The following PHF20L1 variants were observed in gnomAD, a reference collection of about 807,000 sequenced individuals.
PHF20L1 encodes PHD finger protein 20 like 1.
Under a neutral mutation model 125.5 loss-of-function variants are expected in PHF20L1, and 44 were observed. That is an observed-to-expected ratio of 0.35 (90% confidence interval 0.28 to 0.45). The LOEUF (loss-of-function observed/expected upper bound fraction) is 0.45, where lower values mean the gene tolerates loss of function less well. Ranked by LOEUF, PHF20L1 falls within the 20% of genes least tolerant of loss-of-function variation. The probability of loss-of-function intolerance (pLI) is 1.00; values close to 1 mark genes in which losing one functional copy is unlikely to be tolerated. For missense variants in PHF20L1, 1,012 were observed against 1,217.2 expected, an observed-to-expected ratio of 0.83 and a Z score of 2.51; for synonymous variants, 380 against 403.1, an observed-to-expected ratio of 0.94 and a Z score of 0.69.
At chr8:132,827,825 A>C (rs1004042385) in intron 14 of PHF20L1, among the ~76,000 whole-genome samples, 1 of 152,074 alleles carries the variant, frequency 6.6e-6, no homozygotes, top group Admixed American at 6.6e-5. Flanking sequence ...ACATTTTGAA[A>C]TCAGGCTTAC....
intron 6 of PHF20L1, among the ~76,000 whole-genome samples, chr8:132,803,003 A>G (rs1289988663): frequency 6.6e-6 from 1 of 151,858 alleles, no homozygotes; most frequent in Non-Finnish European, 1.5e-5. Flanking sequence ...TTAAAATGTT[A>G]GGAACACTTT....
intron 2 of PHF20L1, among the ~76,000 whole-genome samples, chr8:132,779,152 A>G (rs1586832635): frequency 6.6e-6 from 1 of 152,174 alleles, no homozygotes; most frequent in African/African-American, 2.4e-5. Flanking sequence ...TGAAGCTACA[A>G]TTTGAGATGG....
In PHF20L1 at chr8:132,825,349, GA is replaced by G; in HGVS notation, c.1727del (p.Lys576ArgfsTer26). On this transcript the variant is annotated frameshift_variant, in exon 14 of 21. Coordinates refer to ENST00000395386, the MANE Select transcript of PHF20L1 (RefSeq NM_016018.5). LOFTEE classifies it high-confidence loss of function. ...RPKQKKKKKK[K>X]KKSKQHDYSD... ...CAAAACAGAAGAAGAAGAAAAAAAA[GA>G]AAAAGAAATCTAAGCAACATGGTAA... The G allele has an allele frequency of 6.6e-7, 1 of 1,505,194 alleles. No homozygotes were observed. The highest frequency in any genetic ancestry group is 9.0e-7 in the Non-Finnish European group (1 of 1,110,900). The allele number at this position is 1,505,194 out of a possible 1,614,324, so 93.2% of individuals were successfully genotyped here.
At chr8:132,796,655 T>C (rs1832423653) in intron 4 of PHF20L1, among the ~76,000 whole-genome samples, 1 of 152,052 alleles carries the variant, frequency 6.6e-6, no homozygotes, top group South Asian at 2.1e-4. Context: ...GTGCAGGCTG[T>C]TTCTTCTTTT....
In PHF20L1 at chr8:132,817,485, A is replaced by T; in HGVS notation, c.1519A>T (p.Met507Leu). The change falls in exon 12 of 21, where the codon ATG (methionine) becomes TTG (leucine). Residue 507 changes from methionine (M) to leucine (L), a missense_variant. By Grantham distance (15) the Met-to-Leu change is conservative (BLOSUM62 2). This residue lies in a region of PHF20L1 where 320 missense variants were observed against 293.8 expected (regional missense o/e 1.09). Transcript: ENST00000395386. The stretch of plus-strand genomic sequence containing the variant: ...CAGGGCAGAAAAAGAGGATACACAG[A>T]TGCTTCCAAATCCTTCTTCCAAAGC... Reference protein sequence around the residue: ...CPRAEKEDTQMLPNPSSKAIA... With the variant: ...CPRAEKEDTQLLPNPSSKAIA... 6.2e-7 allele frequency: 1 copy of T among 1,612,398 alleles called. No individual in the cohort carries two copies. The highest frequency in any genetic ancestry group is 8.5e-7 in the Non-Finnish European group (1 of 1,179,096).
At chr8:132,832,716 C>A (rs117320043) in intron 15 of PHF20L1, among the ~76,000 whole-genome samples, 1 of 152,000 alleles carries the variant, frequency 6.6e-6, no homozygotes, top group East Asian at 1.9e-4. Flanking sequence ...ATAAACAAGC[C>A]GAAACTTACA....
At chr8:132,844,433 A>G (rs1300198264) in intron 20 of PHF20L1, 115 bp downstream of exon 20, 3 of 718,474 alleles carry the variant, frequency 4.2e-6, no homozygotes, top group Admixed American at 2.8e-5. Context: ...CTCCATACCG[A>G]TGGGGCTTTA....
chr8:132,795,511 G>A (rs908111033), intron 4 of PHF20L1, among the ~76,000 whole-genome samples: 1 of 152,024 alleles, frequency 6.6e-6, no homozygotes, highest in Admixed American at 6.6e-5. Flanking sequence ...AAAGTTGTGA[G>A]AATTAATAAT....
chr8:132,837,890 C>T, intron 17 of PHF20L1, 79 bp downstream of exon 17: 1 of 945,084 alleles, frequency 1.1e-6, no homozygotes, highest in Non-Finnish European at 1.7e-6. Context: ...CAGCTGTGTT[C>T]ACCACCACTA....
chr8:132,792,964 C>CTTTTTTTTT (rs370724463), intron 2 of PHF20L1, among the ~76,000 whole-genome samples: 17 of 129,584 alleles, frequency 1.3e-4, no homozygotes, highest in African/African-American at 1.7e-4. Context: ...CCCCTTTTTT[C>CTTTTTTTTT]TTTTTTTTTT....
chr8:132,804,775 A>G (rs760508282), intron 8 of PHF20L1, 35 bp downstream of exon 8: 4 of 1,549,682 alleles, frequency 2.6e-6, no homozygotes, highest in African/African-American at 1.4e-5. Context: ...GAGGGGGGGA[A>G]ATGGAAGGTT....
chr8:132,812,518 T>C (rs1834514845), intron 9 of PHF20L1: 1 of 984,552 alleles, frequency 1.0e-6, no homozygotes, highest in Non-Finnish European at 1.2e-6. Context: ...TAAAAACTTT[T>C]GAGAGTCCTT....
chr8:132,819,479 C>T (rs1215273309), intron 12 of PHF20L1, among the ~76,000 whole-genome samples: 2 of 151,154 alleles, frequency 1.3e-5, no homozygotes, highest in Non-Finnish European at 3.0e-5. Flanking sequence ...CAATTTAGGT[C>T]ATGTTCTGAC....
intron 2 of PHF20L1, among the ~76,000 whole-genome samples, chr8:132,785,777 T>C (rs1830950185): frequency 6.6e-6 from 1 of 152,142 alleles, no homozygotes; most frequent in Non-Finnish European, 1.5e-5. Flanking sequence ...TTACTTAATA[T>C]TCAGAGTGTC....
chr8:132,793,619 A>T (rs1832035059), intron 2 of PHF20L1, among the ~76,000 whole-genome samples: 1 of 152,212 alleles, frequency 6.6e-6, no homozygotes, highest in South Asian at 2.1e-4. Flanking sequence ...TTAATACAGT[A>T]CATTAAGAAT....
At chr8:132,844,004 G>T (rs1205404252) in intron 19 of PHF20L1, 152 bp from the exon 20 acceptor site, 4 of 1,411,432 alleles carry the variant, frequency 2.8e-6, no homozygotes, top group Non-Finnish European at 3.7e-6. Context: ...CTGGAATTTG[G>T]TTATGTAGCA....
In PHF20L1 at chr8:132,844,227, T is replaced by A; in HGVS notation, c.2820T>A (p.His940Gln). The A allele has an allele frequency of 6.2e-7, 1 of 1,612,992 alleles. No homozygotes were observed. The highest frequency in any genetic ancestry group is 8.5e-7 in the Non-Finnish European group (1 of 1,179,202). Residue 940 changes from histidine (H) to glutamine (Q), a missense_variant, in exon 20 of 21, where the codon CAT becomes CAA. Coordinates refer to ENST00000395386, the MANE Select transcript of PHF20L1 (RefSeq NM_016018.5). ...GCACCGAAGACCCAGGAGACTCACA[T>A]CTTCAGTGGCAGCTCAATCTCCTTA... Reference protein sequence around the residue: ...KKGTEDPGDSHLQWQLNLLTH... With the variant: ...KKGTEDPGDSQLQWQLNLLTH...
intron 15 of PHF20L1, among the ~76,000 whole-genome samples, chr8:132,834,401 G>A (rs1369088692): frequency 1.3e-5 from 2 of 151,964 alleles, no homozygotes; most frequent in African/African-American, 4.8e-5. Flanking sequence ...TGGTGTGATC[G>A]TAGTTCATTG....
At chr8:132,833,795 C>T (rs1837043077) in intron 15 of PHF20L1, among the ~76,000 whole-genome samples, 1 of 152,042 alleles carries the variant, frequency 6.6e-6, no homozygotes, top group African/African-American at 2.4e-5. Context: ...TCTGCCCTGC[C>T]CTTATGATCA....
Sources: allele counts gnomAD v4.1 joint callset (sites outside exome capture counted in the v4.1 genomes callset), GRCh38; gene constraint gnomAD v4.1.1; regional missense constraint gnomAD v4.1.1; transcripts MANE v1.5; gene names NCBI Gene and HGNC (gene_info 2026-07-23, HGNC 2026-07-21).